VTI1A: variants seen among roughly 807,000 people sequenced by gnomAD.
VTI1A encodes the protein vesicle transport through interaction with t-SNAREs homolog 1A.
In VTI1A, 22 loss-of-function variants were observed where a neutral mutation model predicts 34.9. That is an observed-to-expected ratio of 0.63 (90% CI 0.45 to 0.90). The LOEUF (loss-of-function observed/expected upper bound fraction) is 0.90. Among genes scored for constraint, VTI1A ranks in the 40% least tolerant of loss-of-function variants. The pLI is 0.00. For missense variants in VTI1A, 268 were observed against 275.6 expected, an observed-to-expected ratio of 0.97 and a Z score of 0.20; for synonymous variants, 87 against 97.3, an observed-to-expected ratio of 0.89 and a Z score of 0.62.
intron 7 of VTI1A, among the ~76,000 whole-genome samples, chr10:112,753,211 T>C (rs1851165376): frequency 1.3e-5 from 2 of 151,804 alleles, no homozygotes; most frequent in South Asian, 2.1e-4. Flanking sequence ...TTTGAAAAAA[T>C]AATCCTTTGC....
At position 112,590,110 on chromosome 10, in the gene VTI1A, A is replaced by T. The variant is rs116778730; in HGVS notation, c.427+51780A>T. Among the ~76,000 whole-genome samples, 336 of 152,278 alleles carry T rather than the reference A, an allele frequency of 2.2e-3. 1 individual carries two copies. Among genetic ancestry groups the T allele is most frequent in the African/African-American group, 8.0e-3 (331 of 41,552 alleles). The stretch of plus-strand genomic sequence containing the variant: ...GAACATGGTTTACTCTTCTACCCAG[A>T]TGTTTTTACCCTGATCTCTATTAGG... On this transcript the variant is annotated intron_variant, in intron 5 of 7. Coordinates refer to ENST00000393077, the MANE Select transcript of VTI1A (RefSeq NM_145206.4).
chr10:112,569,142 A>C (rs1852020296), intron 5 of VTI1A, among the ~76,000 whole-genome samples: 2 of 151,862 alleles, frequency 1.3e-5, no homozygotes, highest in East Asian at 3.9e-4. Context: ...GCACAGAGCA[A>C]GATTCCATCT....
At chr10:112,540,532 G>A (rs758827172) in intron 5 of VTI1A, among the ~76,000 whole-genome samples, 10 of 152,214 alleles carry the variant, frequency 6.6e-5, no homozygotes, top group Non-Finnish European at 1.5e-4. Context: ...ATGGACGGGA[G>A]TCATCATTGC....
At chr10:112,668,832 T>C in intron 6 of VTI1A, 105 bp from the exon 7 acceptor site, 1 of 1,238,734 alleles carries the variant, frequency 8.1e-7, no homozygotes, top group Non-Finnish European at 1.1e-6. Flanking sequence ...ATTTGAACAT[T>C]TTTATTGTTT....
At chr10:112,748,620 CTT>C (rs561301572) in intron 7 of VTI1A, among the ~76,000 whole-genome samples, 13 of 104,914 alleles carry the variant, frequency 1.2e-4, no homozygotes, top group Non-Finnish European at 1.4e-4. Context: ...ATTTAGAAAC[CTT>C]TTTTTTTTTT....
chr10:112,447,040 C>T (rs1846841131), upstream of VTI1A: 1 of 287,564 alleles, frequency 3.5e-6, no homozygotes, highest in African/African-American at 2.1e-5. Context: ...TCCCAGAACA[C>T]GAAGGGGGGA....
intron 3 of VTI1A, among the ~76,000 whole-genome samples, chr10:112,473,381 A>T (rs1049555812): frequency 6.6e-6 from 1 of 152,072 alleles, no homozygotes; most frequent in Non-Finnish European, 1.5e-5. Context: ...AAGTGCTAGG[A>T]TTACAGGTGT....
At chr10:112,668,790 G>A (rs1255948418) in intron 6 of VTI1A, 147 bp from the exon 7 acceptor site, 2 of 817,774 alleles carry the variant, frequency 2.4e-6, no homozygotes, top group Non-Finnish European at 1.9e-6. Context: ...TTCCAAGTTT[G>A]TGTAGCTGTC....
At chr10:112,661,714 T>A (rs1847459003) in intron 5 of VTI1A, among the ~76,000 whole-genome samples, 1 of 152,112 alleles carries the variant, frequency 6.6e-6, no homozygotes, top group Non-Finnish European at 1.5e-5. Context: ...AAATTCAGGC[T>A]TCATTCTTAT....
Position 112,817,006 on chromosome 10 carries a change from G to A in VTI1A, c.*1623G>A, listed in dbSNP as rs186913200. 8 of 232,186 alleles carry A rather than the reference G, an allele frequency of 3.4e-5. No individual in the cohort carries two copies. In the East Asian group the frequency reaches 4.9e-4, roughly 14 times the overall value. The allele number at this position is 232,186 out of a possible 1,614,324, so 14.4% of individuals were successfully genotyped here. ...GTGGGATTTTGGCCGAGGGAAGCAGGACAGAGAAGGAGCAGGAAGCTATGC... is the reference window on the plus strand; with the variant it reads ...GTGGGATTTTGGCCGAGGGAAGCAGAACAGAGAAGGAGCAGGAAGCTATGC... On this transcript the variant is annotated 3_prime_UTR_variant, in exon 8 of 8. Transcript: ENST00000393077.
chr10:112,669,482 G>T lies in VTI1A; in HGVS notation c.560+484G>T, dbSNP rs910338238. 2.0e-5 allele frequency among the ~76,000 whole-genome samples: 3 copies of T among 152,212 alleles called. No individual in the cohort carries two copies. The South Asian group carries it at 6.2e-4, about 32-fold the overall frequency. Reference sequence around the variant, plus strand: ...TTAAAGATGATTTATAAAACGTCAAGATTATCTGAATAATATGTGCTAAGA... The same window carrying T: ...TTAAAGATGATTTATAAAACGTCAATATTATCTGAATAATATGTGCTAAGA... On this transcript the variant is annotated intron_variant, in intron 7 of 7. Transcript: ENST00000393077.
At chr10:112,703,462 GAGGCTGATGC>G (rs761674959) in intron 7 of VTI1A, among the ~76,000 whole-genome samples, 2 of 152,092 alleles carry the variant, frequency 1.3e-5, no homozygotes, top group Non-Finnish European at 2.9e-5. Flanking sequence ...AGCTACTTGG[GAGGCTGATGC>G]AGGAGAATCG....
intron 5 of VTI1A, among the ~76,000 whole-genome samples, chr10:112,574,792 C>T (rs1376481719): frequency 6.6e-6 from 1 of 152,136 alleles, no homozygotes; most frequent in East Asian, 1.9e-4. Context: ...TCAGAGAAGC[C>T]TTCAATGTCC....
chr10:112,762,743 G>A (rs1308743781), intron 7 of VTI1A, among the ~76,000 whole-genome samples: 1 of 152,124 alleles, frequency 6.6e-6, no homozygotes, highest in Non-Finnish European at 1.5e-5. Context: ...ACCACTGCCT[G>A]AAAATGAACA....
At chr10:112,686,788 T>G (rs1206450163) in intron 7 of VTI1A, among the ~76,000 whole-genome samples, 1 of 152,222 alleles carries the variant, frequency 6.6e-6, no homozygotes, top group Non-Finnish European at 1.5e-5. Flanking sequence ...TGTCTTTCTT[T>G]TCACACGTTA....
chr10:112,681,157 C>G (rs1848200836), intron 7 of VTI1A, among the ~76,000 whole-genome samples: 1 of 151,248 alleles, frequency 6.6e-6, no homozygotes, highest in East Asian at 1.9e-4. Flanking sequence ...CTCACTGCAA[C>G]CTCAACTTTC....
In VTI1A at chr10:112,793,951, C is replaced by T. The variant is rs573840609; in HGVS notation, c.561-21339C>T. Among the ~76,000 whole-genome samples the T allele has an allele frequency of 1.7e-3, 258 of 152,320 alleles. 1 individual carries two copies. The highest frequency in any genetic ancestry group is 3.4e-3 in the Middle Eastern group (1 of 294). ...AGCTGTGTCGGCAAAAGCCCTCAAC[C>T]GACTGAGTCTGACCTGCATAAAGAA... On this transcript the variant is annotated intron_variant, in intron 7 of 7. Transcript: ENST00000393077.
chr10:112,662,029 C>T (rs1196576464), intron 5 of VTI1A, among the ~76,000 whole-genome samples: 1 of 152,128 alleles, frequency 6.6e-6, no homozygotes, highest in Non-Finnish European at 1.5e-5. Context: ...GCCTTGGCCT[C>T]CCAAACTGCT....
chr10:112,576,316 G>A (rs79058363), intron 5 of VTI1A, among the ~76,000 whole-genome samples: 1 of 150,970 alleles, frequency 6.6e-6, no homozygotes, highest in African/African-American at 2.4e-5. Flanking sequence ...CACCGCGCCC[G>A]GCCCCCTGCC....
Sources: gnomAD v4.1 joint callset for allele counts (sites outside exome capture counted in the v4.1 genomes callset) on GRCh38, gnomAD v4.1.1 for gene constraint, MANE v1.5 for transcripts, NCBI Gene and HGNC (gene_info 2026-07-23, HGNC 2026-07-21) for gene names.